Variants in PPP1R9A observed in about 807,000 individuals in gnomAD.
PPP1R9A encodes protein phosphatase 1 regulatory subunit 9A, also known as neurabin-1.
PPP1R9A carries 59 observed loss-of-function variants against 141.9 expected under a neutral mutation model. That is an observed-to-expected ratio of 0.42 (90% CI 0.34 to 0.52). PPP1R9A has a LOEUF of 0.52. Ranked by LOEUF, PPP1R9A falls within the 20% of genes least tolerant of loss-of-function variation. The pLI is 0.10. For synonymous variants in PPP1R9A, 500 were observed against 569.7 expected (o/e 0.88, Z 1.74); for missense variants, 1,444 against 1,611.9 (o/e 0.90, Z 1.78).
chr7:95,216,780 G>A (rs1793509980), intron 7 of PPP1R9A, among the ~76,000 whole-genome samples: 1 of 152,118 alleles, frequency 6.6e-6, no homozygotes, highest in East Asian at 1.9e-4. Context: ...TCTGTTATTG[G>A]TGTATAAGAA....
chr7:95,147,215 C>A (rs1358146711), intron 4 of PPP1R9A, among the ~76,000 whole-genome samples: 3 of 152,124 alleles, frequency 2.0e-5, no homozygotes, highest in Non-Finnish European at 4.4e-5. Context: ...CTCCACATCG[C>A]TTGTAAGTTG....
At chr7:95,106,591 C>T (rs1819547551) in intron 2 of PPP1R9A, among the ~76,000 whole-genome samples, 1 of 152,116 alleles carries the variant, frequency 6.6e-6, no homozygotes, top group South Asian at 2.1e-4. Flanking sequence ...AGGCAATTTC[C>T]TGCTTTGGGC....
chr7:95,123,208 A>T (rs1218268688), intron 4 of PPP1R9A, among the ~76,000 whole-genome samples: 1 of 152,126 alleles, frequency 6.6e-6, no homozygotes, highest in Non-Finnish European at 1.5e-5. Context: ...ACATAGTTTC[A>T]TTATTTATAA....
At chr7:95,237,989 G>A (rs1326804656) in intron 8 of PPP1R9A, among the ~76,000 whole-genome samples, 1 of 151,836 alleles carries the variant, frequency 6.6e-6, no homozygotes, top group Non-Finnish European at 1.5e-5. Context: ...CTGCTTTAAA[G>A]TTATACATTT....
At chr7:95,196,400 G>A (rs1184549617) in intron 5 of PPP1R9A, among the ~76,000 whole-genome samples, 3 of 151,960 alleles carry the variant, frequency 2.0e-5, no homozygotes, top group African/African-American at 4.8e-5. Flanking sequence ...CTATTACTTC[G>A]AAAAACAATT....
intron 5 of PPP1R9A, among the ~76,000 whole-genome samples, chr7:95,179,903 G>A (rs368722630): frequency 6.1e-4 from 93 of 152,044 alleles, no homozygotes; most frequent in African/African-American, 2.0e-3. Context: ...AACACGTCCC[G>A]TGCTCATTGA....
intron 8 of PPP1R9A, among the ~76,000 whole-genome samples, chr7:95,231,068 C>A (rs1281098736): frequency 6.6e-6 from 1 of 151,916 alleles, no homozygotes; most frequent in African/African-American, 2.4e-5. Context: ...GAAAAAGATA[C>A]CGTATGCAAA....
chr7:95,111,522 A>G (rs1820561431), intron 3 of PPP1R9A, 131 bp downstream of exon 3: 1 of 980,550 alleles, frequency 1.0e-6, no homozygotes, highest in Non-Finnish European at 1.5e-6. Context: ...TTATTTATTA[A>G]GTTTCAAAAA....
At chr7:95,056,873 T>C (rs1811565722) in intron 2 of PPP1R9A, among the ~76,000 whole-genome samples, 1 of 152,158 alleles carries the variant, frequency 6.6e-6, no homozygotes, top group Non-Finnish European at 1.5e-5. Flanking sequence ...GTTTGGACAT[T>C]AATTATGTCA....
intron 2 of PPP1R9A, among the ~76,000 whole-genome samples, chr7:94,999,383 G>A (rs1802577000): frequency 6.6e-6 from 1 of 152,168 alleles, no homozygotes; most frequent in Non-Finnish European, 1.5e-5. Context: ...AGCCACTCTA[G>A]ATGGATGAGA....
intron 2 of PPP1R9A, among the ~76,000 whole-genome samples, chr7:95,056,957 A>G (rs1811577959): frequency 2.0e-5 from 3 of 152,134 alleles, no homozygotes. Flanking sequence ...CAAGTTATAT[A>G]TAAGAATAGA....
In PPP1R9A at chr7:95,288,631, C is replaced by A; in HGVS notation, c.3825C>A (p.Ser1275Arg). Reference protein sequence around the residue: ...SVQQVSHWLMSLNLEQYVSEF... With the variant: ...SVQQVSHWLMRLNLEQYVSEF... ...AGCAGGTTTCTCACTGGTTAATGAG[C>A]CTAAATCTGGAGCAGTATGTATCTG... Residue 1275 changes from serine (S) to arginine (R), a missense_variant, in exon 19 of 20, where the codon AGC (serine) becomes AGA (arginine). Transcript: ENST00000433360. The A allele has an allele frequency of 6.2e-7, 1 of 1,614,080 alleles. No homozygotes were observed. Among genetic ancestry groups the A allele is most frequent in the Non-Finnish European group, 8.5e-7 (1 of 1,180,006 alleles).
chr7:95,198,349 A>G lies in PPP1R9A; in HGVS notation c.1755A>G (p.Arg585=). Residue 585 remains arginine (R), a splice_region_variant and synonymous_variant, in exon 6 of 20, where the codon AGA becomes AGG. Coordinates refer to ENST00000433360, the MANE Select transcript of PPP1R9A (RefSeq NM_001166160.2). ...TVLRNTKGNV[R]FVIGREKPGQ... ...TTAGTCTTTGTTAACCTTTCCACAG[A>G]TTTGTTATTGGGCGGGAAAAACCAG... The G allele has an allele frequency of 6.3e-7, 1 of 1,599,658 alleles. No individual in the cohort carries two copies.
At chr7:94,934,747 A>G (rs912303415) in intron 2 of PPP1R9A, among the ~76,000 whole-genome samples, 1 of 151,706 alleles carries the variant, frequency 6.6e-6, no homozygotes, top group Non-Finnish European at 1.5e-5. Flanking sequence ...ATATACGTCT[A>G]TATACATATA....
At chr7:95,139,322 A>G (rs1826218513) in intron 4 of PPP1R9A, among the ~76,000 whole-genome samples, 1 of 152,304 alleles carries the variant, frequency 6.6e-6, no homozygotes, top group East Asian at 1.9e-4. Flanking sequence ...CTTCCTCACT[A>G]TCACGAGAAC....
rs554958956 is a variant in PPP1R9A, at chr7:95,217,465, C to T, written c.1957-8496C>T. Among the ~76,000 whole-genome samples, 37 of 152,244 alleles carry T rather than the reference C, an allele frequency of 2.4e-4. No individual in the cohort carries two copies. In the Middle Eastern group the frequency reaches 0.014, roughly 56 times the overall value. On this transcript the variant is annotated intron_variant, in intron 7 of 19. Coordinates refer to ENST00000433360, the MANE Select transcript of PPP1R9A (RefSeq NM_001166160.2). ...TTGTGTCTCTGCCAGGCTTTGGCAT[C>T]AGGATGATGCTGGCCTCATAAAATG...
At chr7:95,219,692 G>A (rs1794111945) in intron 7 of PPP1R9A, among the ~76,000 whole-genome samples, 2 of 152,010 alleles carry the variant, frequency 1.3e-5, no homozygotes, top group African/African-American at 2.4e-5. Flanking sequence ...TATATGCTGG[G>A]CCAGGCATCA....
chr7:95,190,215 A>G (rs1467836904), intron 5 of PPP1R9A, among the ~76,000 whole-genome samples: 1 of 152,114 alleles, frequency 6.6e-6, no homozygotes, highest in Non-Finnish European at 1.5e-5. Flanking sequence ...CCCATGGGTG[A>G]TCCCTTGATG....
chr7:95,111,520 T>G, intron 3 of PPP1R9A, 129 bp downstream of exon 3: 1 of 999,924 alleles, frequency 1.0e-6, no homozygotes, highest in Non-Finnish European at 1.4e-6. Flanking sequence ...TCTTATTTAT[T>G]AAGTTTCAAA....
Sources: allele counts gnomAD v4.1 joint callset (sites outside exome capture counted in the v4.1 genomes callset), GRCh38; gene constraint gnomAD v4.1.1; transcripts MANE v1.5; gene names NCBI Gene and HGNC (gene_info 2026-07-23, HGNC 2026-07-21).